Variants in IL23R observed in about 807,000 individuals in gnomAD.
IL23R encodes the protein interleukin 23 receptor, also known as interleukin-23 receptor.
Under a neutral mutation model 56.9 loss-of-function variants are expected in IL23R, and 34 were observed. That is an observed-to-expected ratio of 0.60 (90% CI 0.45 to 0.80). IL23R has a LOEUF of 0.80. Ranked by LOEUF, IL23R falls within the 30% of genes least tolerant of loss-of-function variation. IL23R has a pLI of 0.00. For missense variants in IL23R, 635 were observed against 730.0 expected, an observed-to-expected ratio of 0.87 and a Z score of 1.50; for synonymous variants, 230 against 249.2, an observed-to-expected ratio of 0.92 and a Z score of 0.73.
rs953012806 is a variant in IL23R at position 67,176,786 on chromosome 1, T to C, written c.368-6050T>C. On this transcript the variant is annotated intron_variant, in intron 3 of 10. Transcript: ENST00000347310. ...ATCTCCTAATGCTATCCCTCCCCCCTCCTCCCACCACACAACTGGCCCCGG... is the reference window on the plus strand; with the variant it reads ...ATCTCCTAATGCTATCCCTCCCCCCCCCTCCCACCACACAACTGGCCCCGG... Among the ~76,000 whole-genome samples, 4 of 152,046 alleles carry C rather than the reference T, an allele frequency of 2.6e-5. No individual in the cohort carries two copies. The East Asian group carries it at 5.8e-4, about 22-fold the overall frequency.
At chr1:67,261,334 C>A (rs1570938457), downstream of IL23R, among the ~76,000 whole-genome samples, 2 of 129,586 alleles carry the variant, frequency 1.5e-5, no homozygotes, top group African/African-American at 6.1e-5. Flanking sequence ...TTTTTTTTTG[C>A]ACTGACAATC....
intron 1 of IL23R, among the ~76,000 whole-genome samples, chr1:67,166,937 T>C (rs1287602083): frequency 6.6e-6 from 1 of 152,218 alleles, no homozygotes; most frequent in Non-Finnish European, 1.5e-5. Context: ...CAGGTTTTAT[T>C]AAACAGATAA....
At chr1:67,145,540 T>C (rs1415267977) in intron 1 of IL23R, among the ~76,000 whole-genome samples, 3 of 152,222 alleles carry the variant, frequency 2.0e-5, no homozygotes, top group African/African-American at 7.2e-5. Flanking sequence ...GCATTGTTGC[T>C]GTTTGTTCCC....
At chr1:67,220,770 T>C (rs1277740854) in intron 7 of IL23R, among the ~76,000 whole-genome samples, 1 of 152,142 alleles carries the variant, frequency 6.6e-6, no homozygotes, top group African/African-American at 2.4e-5. Context: ...ACTTGGGGAC[T>C]ACAGGAAGAA....
chr1:67,186,928 C>T (rs1443950584), intron 4 of IL23R, among the ~76,000 whole-genome samples: 1 of 151,960 alleles, frequency 6.6e-6, no homozygotes, highest in African/African-American at 2.4e-5. Flanking sequence ...GCCCTTTATT[C>T]CTTTTTTTAA....
intron 1 of IL23R, among the ~76,000 whole-genome samples, chr1:67,146,959 G>A (rs1270717246): frequency 6.6e-6 from 1 of 152,148 alleles, no homozygotes; most frequent in Admixed American, 6.5e-5. Flanking sequence ...ACATGATCTT[G>A]TTCTGGTCAA....
chr1:67,157,230 T>G (rs931177522), intron 1 of IL23R, among the ~76,000 whole-genome samples: 1 of 152,254 alleles, frequency 6.6e-6, no homozygotes, highest in Non-Finnish European at 1.5e-5. Context: ...AGACCAGAGC[T>G]GTTTTTATTT....
At chr1:67,217,223 GACTT>G (rs1394941672) in intron 6 of IL23R, among the ~76,000 whole-genome samples, 6 of 152,116 alleles carry the variant, frequency 3.9e-5, no homozygotes, top group African/African-American at 1.4e-4. Context: ...AGTAGAAATG[GACTT>G]ACTTCAAAAT....
chr1:67,206,215 C>T (rs144596270), intron 5 of IL23R, among the ~76,000 whole-genome samples: 10 of 151,996 alleles, frequency 6.6e-5, no homozygotes, highest in South Asian at 2.1e-4. Flanking sequence ...GGTTTTGCCA[C>T]GACGACCAGG....
chr1:67,139,598 G>A (rs572153572), intron 1 of IL23R, among the ~76,000 whole-genome samples: 1 of 152,230 alleles, frequency 6.6e-6, no homozygotes, highest in South Asian at 2.1e-4. Flanking sequence ...GATCACAACA[G>A]TAAACATATT....
At chr1:67,246,965 C>A (rs1026478714) in intron 9 of IL23R, among the ~76,000 whole-genome samples, 7 of 152,098 alleles carry the variant, frequency 4.6e-5, no homozygotes, top group Non-Finnish European at 1.0e-4. Context: ...TTGTAGGTCT[C>A]TAAGAACTGA....
chr1:67,227,040 C>G (rs747459692), intron 7 of IL23R, among the ~76,000 whole-genome samples: 1 of 152,180 alleles, frequency 6.6e-6, no homozygotes, highest in Non-Finnish European at 1.5e-5. Context: ...TTATGAGAAC[C>G]GCTGAGAGCT....
At chr1:67,253,713 T>C (rs1652782937) in intron 9 of IL23R, among the ~76,000 whole-genome samples, 1 of 152,166 alleles carries the variant, frequency 6.6e-6, no homozygotes, top group Admixed American at 6.5e-5. Context: ...ATATACTTGA[T>C]TATGAAGTCC....
chr1:67,215,944 T>C (rs1649805131), intron 6 of IL23R, among the ~76,000 whole-genome samples: 1 of 152,226 alleles, frequency 6.6e-6, no homozygotes. Flanking sequence ...ACCATCTCAC[T>C]GTCTCCTCTC....
At chr1:67,256,361 C>T (rs1652947828) in intron 10 of IL23R, among the ~76,000 whole-genome samples, 1 of 152,170 alleles carries the variant, frequency 6.6e-6, no homozygotes, top group East Asian at 1.9e-4. Flanking sequence ...TCTTTAAACC[C>T]AGTGGAATTT....
chr1:67,242,636 T>C (rs1300613423), intron 9 of IL23R, among the ~76,000 whole-genome samples: 2 of 152,170 alleles, frequency 1.3e-5, no homozygotes, highest in Admixed American at 6.5e-5. Flanking sequence ...AACCAAAAGT[T>C]CAAGGTCCCA....
At chr1:67,184,224 G>T (rs1399558771) in intron 4 of IL23R, among the ~76,000 whole-genome samples, 1 of 148,952 alleles carries the variant, frequency 6.7e-6, no homozygotes, top group Non-Finnish European at 1.5e-5. Context: ...GAAAGAGCGA[G>T]ACTCCATCTC....
intron 5 of IL23R, among the ~76,000 whole-genome samples, chr1:67,206,101 C>T (rs1649032385): frequency 6.6e-6 from 1 of 151,930 alleles, no homozygotes. Context: ...TAACCTCTGC[C>T]TCCCGGGTTC....
At chr1:67,197,719 A>G (rs1310515766) in intron 4 of IL23R, among the ~76,000 whole-genome samples, 1 of 152,184 alleles carries the variant, frequency 6.6e-6, no homozygotes, top group African/African-American at 2.4e-5. Context: ...CCAAGGCAAG[A>G]GGATCACTTG....
Sources: gnomAD v4.1 joint callset for allele counts (sites outside exome capture counted in the v4.1 genomes callset) on GRCh38, gnomAD v4.1.1 for gene constraint, MANE v1.5 for transcripts, NCBI Gene and HGNC (gene_info 2026-07-23, HGNC 2026-07-21) for gene names.